Variants in ZNF618 observed in about 807,000 individuals in gnomAD.
ZNF618 encodes the protein neural precursor cell expressed, developmentally down-regulated 10.
In ZNF618, 34 loss-of-function variants were observed where a neutral mutation model predicts 103.0. The observed-to-expected ratio is 0.33, with a 90% CI of 0.25 to 0.44. The LOEUF is 0.44. Among genes scored for constraint, ZNF618 ranks in the 20% least tolerant of loss-of-function variants. ZNF618 has a pLI of 1.00. For synonymous variants in ZNF618, 551 were observed against 542.2 expected (o/e 1.02, Z -0.23); for missense variants, 1,059 against 1,295.4 (o/e 0.82, Z 2.80).
At chr9:113,951,052 A>T in intron 1 of ZNF618, among the ~76,000 whole-genome samples, 1 of 150,328 alleles carries the variant, frequency 6.7e-6, no homozygotes, top group Non-Finnish European at 1.5e-5. Context: ...CAAAGACCAA[A>T]CGAGCTGCAA....
chr9:114,024,682 A>G (rs905120446), intron 10 of ZNF618, among the ~76,000 whole-genome samples: 2 of 150,068 alleles, frequency 1.3e-5, no homozygotes, highest in African/African-American at 2.5e-5. Flanking sequence ...ACTCCAAAAT[A>G]TCTCCTACTC....
At chr9:113,949,176 A>C (rs1297455431) in intron 1 of ZNF618, among the ~76,000 whole-genome samples, 2 of 152,234 alleles carry the variant, frequency 1.3e-5, no homozygotes, top group Admixed American at 6.5e-5. Flanking sequence ...TGACTTCTGC[A>C]TTGGAGCTTC....
intron 1 of ZNF618, among the ~76,000 whole-genome samples, chr9:113,954,846 C>T (rs191232435): frequency 6.6e-5 from 10 of 152,306 alleles, no homozygotes; most frequent in Non-Finnish European, 1.2e-4. Flanking sequence ...TACTTCTTCT[C>T]ACCCATTCTC....
chr9:114,050,446 A>T lies in ZNF618; in HGVS notation c.*279A>T. On this transcript the variant is annotated 3_prime_UTR_variant, in exon 15 of 15. Coordinates refer to ENST00000374126, the MANE Select transcript of ZNF618 (RefSeq NM_001318042.2). ...CCAGAGAAACTTTGCACACACGCACACACACACACACACACACACACACAC... is the reference window on the plus strand; with the variant it reads ...CCAGAGAAACTTTGCACACACGCACTCACACACACACACACACACACACAC... 2 of 192,568 alleles carry T rather than the reference A, an allele frequency of 1.0e-5. No individual in the cohort carries two copies. Among genetic ancestry groups the T allele is most frequent in the African/African-American group, 3.5e-5 (1 of 28,334 alleles). 11.9% of individuals were successfully genotyped at this position (192,568 alleles called of 1,614,324 possible). A position where few individuals can be genotyped will look rare whatever the true frequency, so the allele number is the denominator to read the frequency against.
intron 1 of ZNF618, among the ~76,000 whole-genome samples, chr9:113,933,596 C>T (rs1397913232): frequency 6.6e-6 from 1 of 152,070 alleles, no homozygotes; most frequent in East Asian, 1.9e-4. Context: ...AAATGCCCAT[C>T]TAGGATCATG....
chr9:113,953,843 T>C (rs1165046241), intron 1 of ZNF618, among the ~76,000 whole-genome samples: 1 of 84,996 alleles, frequency 1.2e-5, no homozygotes, highest in Non-Finnish European at 2.5e-5. Flanking sequence ...CTGGGAAAGA[T>C]GGATGTCCAG....
intron 2 of ZNF618, among the ~76,000 whole-genome samples, chr9:113,971,792 T>TC (rs1486164164): frequency 6.6e-6 from 1 of 152,106 alleles, no homozygotes; most frequent in Non-Finnish European, 1.5e-5. Context: ...GCCTGCCCAG[T>TC]CAGAGGAGGG....
At chr9:114,012,657 A>ATTCC (rs1842356804) in intron 9 of ZNF618, among the ~76,000 whole-genome samples, 3 of 152,258 alleles carry the variant, frequency 2.0e-5, no homozygotes, top group African/African-American at 7.2e-5. Context: ...AGAAAACGTA[A>ATTCC]GAACAGAATT....
chr9:113,974,456 G>C (rs1010743523), intron 2 of ZNF618, among the ~76,000 whole-genome samples: 1 of 152,230 alleles, frequency 6.6e-6, no homozygotes, highest in Non-Finnish European at 1.5e-5. Context: ...TTTGAACAGA[G>C]AAGTGGCATA....
chr9:113,892,317 C>G (rs1439130561), intron 1 of ZNF618, among the ~76,000 whole-genome samples: 1 of 152,100 alleles, frequency 6.6e-6, no homozygotes, highest in Non-Finnish European at 1.5e-5. Context: ...TGTATAGTAC[C>G]TAATACAATG....
At chr9:113,970,824 C>T (rs1837891568) in intron 2 of ZNF618, among the ~76,000 whole-genome samples, 1 of 150,798 alleles carries the variant, frequency 6.6e-6, no homozygotes, top group Non-Finnish European at 1.5e-5. Flanking sequence ...ATTTCATTCC[C>T]TTCCCTGTGT....
At chr9:113,893,264 A>G (rs933794915) in intron 1 of ZNF618, among the ~76,000 whole-genome samples, 1 of 152,214 alleles carries the variant, frequency 6.6e-6, no homozygotes, top group African/African-American at 2.4e-5. Context: ...AAAACATGCT[A>G]TGGACGTGCC....
intron 1 of ZNF618, among the ~76,000 whole-genome samples, chr9:113,909,696 G>A (rs1018305754): frequency 6.6e-6 from 1 of 152,178 alleles, no homozygotes; most frequent in African/African-American, 2.4e-5. Context: ...CCTTTCTCCC[G>A]AGTCCAGCGC....
At chr9:114,026,326 C>G (rs1843497982) in intron 10 of ZNF618, among the ~76,000 whole-genome samples, 1 of 152,176 alleles carries the variant, frequency 6.6e-6, no homozygotes, top group Admixed American at 6.5e-5. Context: ...ACAGGTGATG[C>G]CCTCAGGCCT....
chr9:113,928,792 G>C (rs12551141), intron 1 of ZNF618, among the ~76,000 whole-genome samples: 31,583 of 152,110 alleles, frequency 0.21, 4,067 homozygotes, highest in South Asian at 0.39. Flanking sequence ...AGAGGAAGTA[G>C]TCTATACTCT....
At chr9:114,036,914 C>T (rs913884415) in intron 13 of ZNF618, among the ~76,000 whole-genome samples, 11 of 152,170 alleles carry the variant, frequency 7.2e-5, no homozygotes, top group African/African-American at 2.7e-4. Context: ...GATTTCTAGG[C>T]TCCATTGTGA....
At chr9:113,987,591 G>A (rs1266826371) in intron 2 of ZNF618, among the ~76,000 whole-genome samples, 1 of 151,448 alleles carries the variant, frequency 6.6e-6, no homozygotes, top group Admixed American at 6.6e-5. Context: ...TAGGAACGAA[G>A]GGAACAGCAC....
intron 1 of ZNF618, among the ~76,000 whole-genome samples, chr9:113,932,002 CTG>C (rs1833631578): frequency 1.3e-5 from 2 of 152,110 alleles, no homozygotes; most frequent in Admixed American, 1.3e-4. Flanking sequence ...AGATCGTCTG[CTG>C]TGGGCTGGGG....
At chr9:113,980,293 G>T (rs1838858329) in intron 2 of ZNF618, among the ~76,000 whole-genome samples, 1 of 152,092 alleles carries the variant, frequency 6.6e-6, no homozygotes, top group Non-Finnish European at 1.5e-5. Flanking sequence ...TAGCAGCAGG[G>T]TTTTGGACTT....
Sources: allele counts gnomAD v4.1 joint callset (sites outside exome capture counted in the v4.1 genomes callset), GRCh38; gene constraint gnomAD v4.1.1; transcripts MANE v1.5; gene names NCBI Gene and HGNC (gene_info 2026-07-23, HGNC 2026-07-21).